The following CLVS1 variants were observed in gnomAD, a reference collection of about 807,000 sequenced individuals.
CLVS1 encodes the protein clavesin-1.
CLVS1 carries 10 observed loss-of-function variants against 33.1 expected under a neutral mutation model. The ratio of observed to expected loss-of-function variants is 0.30; its 90% CI spans 0.19 to 0.51. The LOEUF (loss-of-function observed/expected upper bound fraction) is 0.51. CLVS1 is among the 20% of genes least tolerant of loss of function. The pLI is 0.97. For missense variants in CLVS1, 343 were observed against 433.4 expected, an observed-to-expected ratio of 0.79 and a Z score of 1.85; for synonymous variants, 163 against 166.1, an observed-to-expected ratio of 0.98 and a Z score of 0.14.
chr8:61,154,990 G>A (rs1030540030), intron 2 of CLVS1, among the ~76,000 whole-genome samples: 2 of 152,170 alleles, frequency 1.3e-5, no homozygotes, highest in Admixed American at 6.5e-5. Flanking sequence ...GTGTGTGTGC[G>A]TGTGTGCATG....
At position 61,499,764 on chromosome 8, in the gene CLVS1, A is replaced by C. The variant is rs1376943303; in HGVS notation, c.*222A>C. 6 of 378,750 alleles carry C rather than the reference A, an allele frequency of 1.6e-5. No individual in the cohort carries two copies. Among genetic ancestry groups the C allele is most frequent in the Non-Finnish European group, 1.9e-5 (4 of 207,394 alleles). The allele number at this position is 378,750 out of a possible 1,614,324, so 23.5% of individuals were successfully genotyped here. On this transcript the variant is annotated 3_prime_UTR_variant, in exon 6 of 6. Coordinates refer to ENST00000325897, the MANE Select transcript of CLVS1 (RefSeq NM_173519.3). ...TTTTTTCCCCCAGTGAGGGGACTGG[A>C]GGATGATGCAAGGCATTTATGTAAA...
rs1238933785 is a variant in CLVS1, at chr8:61,500,999, C to T, written c.*1457C>T. The T allele has an allele frequency of 6.6e-6, 1 of 151,882 alleles. No individual in the cohort carries two copies. The highest frequency in any genetic ancestry group is 1.5e-5 in the Non-Finnish European group (1 of 67,954). The allele number at this position is 151,882 out of a possible 1,614,324, so 9.4% of individuals were successfully genotyped here. ...AATTTTTTCCCCTATTGGTAGAGAACAATAACAGAAGTAATTTTTATATTA... is the reference window on the plus strand; with the variant it reads ...AATTTTTTCCCCTATTGGTAGAGAATAATAACAGAAGTAATTTTTATATTA... On this transcript the variant is annotated 3_prime_UTR_variant, in exon 6 of 6. Transcript: ENST00000325897.
intron 3 of CLVS1, among the ~76,000 whole-genome samples, chr8:61,428,918 A>G (rs1358310926): frequency 6.6e-6 from 1 of 152,188 alleles, no homozygotes; most frequent in Non-Finnish European, 1.5e-5. Context: ...ACACACATAC[A>G]TACACATATT....
chr8:61,135,487 G>A (rs76786130), intron 2 of CLVS1, among the ~76,000 whole-genome samples: 4,098 of 152,244 alleles, frequency 0.027, 184 homozygotes, highest in African/African-American at 0.093. Flanking sequence ...TGTGGCTTCC[G>A]TGACCATCTT....
chr8:61,493,038 C>T (rs535419277), intron 5 of CLVS1, among the ~76,000 whole-genome samples: 3 of 152,286 alleles, frequency 2.0e-5, no homozygotes, highest in Non-Finnish European at 4.4e-5. Flanking sequence ...ACAACCATAA[C>T]TATATTGCAC....
chr8:60,990,704 GT>G, the CLVS1 span, among the ~76,000 whole-genome samples: 4 of 145,096 alleles, frequency 2.8e-5, no homozygotes, highest in South Asian at 2.2e-4. Flanking sequence ...AATTAACAGG[GT>G]TTTTTTTGTT....
intron 2 of CLVS1, among the ~76,000 whole-genome samples, chr8:61,211,125 G>A (rs913421664): frequency 1.3e-5 from 2 of 152,148 alleles, no homozygotes; most frequent in Non-Finnish European, 1.5e-5. Flanking sequence ...GCCAATGTAC[G>A]AATCGTGGGG....
the CLVS1 span, among the ~76,000 whole-genome samples, chr8:60,975,964 A>G: frequency 6.6e-5 from 10 of 152,334 alleles, no homozygotes; most frequent in African/African-American, 2.2e-4. Context: ...AATAAGTACA[A>G]GGAGGCCGGG....
chr8:61,053,441 G>C (rs999089114), upstream of CLVS1, among the ~76,000 whole-genome samples: 3 of 152,230 alleles, frequency 2.0e-5, no homozygotes, highest in Admixed American at 6.5e-5. Context: ...GTGTTTCAAG[G>C]AGGAGGGAGT....
chr8:61,070,882 A>G (rs552409165), intron 1 of CLVS1, among the ~76,000 whole-genome samples: 33 of 152,330 alleles, frequency 2.2e-4, no homozygotes, highest in Admixed American at 5.2e-4. Flanking sequence ...AGGAGCACCT[A>G]TGAGTCTCAA....
At chr8:61,255,575 C>T (rs116405082) in intron 2 of CLVS1, among the ~76,000 whole-genome samples, 1 of 152,102 alleles carries the variant, frequency 6.6e-6, no homozygotes, top group East Asian at 1.9e-4. Context: ...TATTCTATCT[C>T]CTTTATGAGC....
intron 2 of CLVS1, among the ~76,000 whole-genome samples, chr8:61,209,126 C>T (rs1277862066): frequency 6.6e-6 from 1 of 152,172 alleles, no homozygotes; most frequent in Non-Finnish European, 1.5e-5. Context: ...AAAATATCAA[C>T]CTTTCTGCAC....
At chr8:61,211,233 T>A (rs1489344953) in intron 2 of CLVS1, among the ~76,000 whole-genome samples, 2 of 152,054 alleles carry the variant, frequency 1.3e-5, no homozygotes, top group Non-Finnish European at 2.9e-5. Context: ...TTCAAAACAC[T>A]AAGTGAAAAA....
chr8:61,244,142 G>A (rs1808759338), intron 2 of CLVS1, among the ~76,000 whole-genome samples: 1 of 152,104 alleles, frequency 6.6e-6, no homozygotes. Context: ...GAGATGACCA[G>A]AGGATGGAGA....
chr8:61,091,223 C>T (rs1331639272), intron 1 of CLVS1, among the ~76,000 whole-genome samples: 1 of 152,098 alleles, frequency 6.6e-6, no homozygotes, highest in African/African-American at 2.4e-5. Context: ...TGGCCAGGAG[C>T]CAAGGCATGT....
intron 2 of CLVS1, among the ~76,000 whole-genome samples, chr8:61,357,667 G>A (rs981761329): frequency 1.3e-5 from 2 of 151,104 alleles, no homozygotes; most frequent in African/African-American, 4.9e-5. Context: ...CACCATGTCT[G>A]GCTAATTTTT....
chr8:61,297,734 G>C (rs1044449194), intron 1 of CLVS1, among the ~76,000 whole-genome samples: 6 of 152,106 alleles, frequency 3.9e-5, no homozygotes, highest in African/African-American at 1.4e-4. Context: ...TAGCATTGAA[G>C]GTGTGAGCAC....
At chr8:61,283,214 A>G (rs1809710745), upstream of CLVS1, among the ~76,000 whole-genome samples, 1 of 152,188 alleles carries the variant, frequency 6.6e-6, no homozygotes, top group Non-Finnish European at 1.5e-5. Flanking sequence ...GATCATTTTG[A>G]TAACAGTGGT....
At chr8:60,995,860 C>A in the CLVS1 span, among the ~76,000 whole-genome samples, 1 of 152,168 alleles carries the variant, frequency 6.6e-6, no homozygotes, top group African/African-American at 2.4e-5. Flanking sequence ...ATGTCCTTTG[C>A]AGGGACATGG....
Sources: allele counts gnomAD v4.1 joint callset (sites outside exome capture counted in the v4.1 genomes callset), GRCh38; gene constraint gnomAD v4.1.1; transcripts MANE v1.5; gene names NCBI Gene and HGNC (gene_info 2026-07-23, HGNC 2026-07-21).